PDE4D: variants seen among roughly 807,000 people sequenced by gnomAD.
The protein encoded by PDE4D is 3',5'-cyclic-AMP phosphodiesterase 4D.
In PDE4D, 24 loss-of-function variants were observed where a neutral mutation model predicts 87.4. That is an observed-to-expected ratio of 0.27 (90% CI 0.20 to 0.39). PDE4D has a LOEUF of 0.39. Among genes scored for constraint, PDE4D ranks in the 10% least tolerant of loss-of-function variants. The pLI is 1.00. For synonymous variants in PDE4D, 384 were observed against 383.2 expected, an observed-to-expected ratio of 1.00 and a Z score of -0.02; for missense variants, 714 against 1,041.0, an observed-to-expected ratio of 0.69 and a Z score of 4.32.
chr5:59,139,090 C>T (rs1217929836), intron 5 of PDE4D, among the ~76,000 whole-genome samples: 1 of 152,118 alleles, frequency 6.6e-6, no homozygotes, highest in Non-Finnish European at 1.5e-5. Context: ...GATCAGGAAA[C>T]TATACACTGC....
At chr5:59,747,777 G>T (rs72751247) in intron 1 of PDE4D, among the ~76,000 whole-genome samples, 26,390 of 152,036 alleles carry the variant, frequency 0.17, 3,027 homozygotes, top group South Asian at 0.26. Flanking sequence ...TGAACAATCA[G>T]CACTCCCATT....
In PDE4D at chr5:60,208,300, A is replaced by G. The variant is rs531671966; in HGVS notation, c.-89-22613T>C. Among the ~76,000 whole-genome samples, 30 of 152,338 alleles carry G rather than the reference A, an allele frequency of 2.0e-4. No homozygotes were observed. In the South Asian group the frequency reaches 4.1e-3, roughly 21 times the overall value. On this transcript the variant is annotated intron_variant, in intron 1 of 16. Transcript: ENST00000502484. ...TTCTTTGAAAAGACGACATTTGAGT[A>G]ACAGCTTAATGGAGGGGCAGGAGTG...
At chr5:60,190,941 G>A (rs7717864) in intron 1 of PDE4D, among the ~76,000 whole-genome samples, 35,992 of 151,940 alleles carry the variant, frequency 0.24, 5,507 homozygotes, top group African/African-American at 0.44. Flanking sequence ...ACCTCACACT[G>A]TATCTCCCAA....
intron 5 of PDE4D, among the ~76,000 whole-genome samples, chr5:59,073,502 G>A (rs901938829): frequency 6.7e-5 from 9 of 134,162 alleles, no homozygotes; most frequent in Middle Eastern, 3.8e-3. Context: ...AAATAAAGTG[G>A]GGGGCGGGGG....
intron 1 of PDE4D, among the ~76,000 whole-genome samples, chr5:59,806,711 C>G (rs1035031696): frequency 2.6e-5 from 4 of 152,118 alleles, no homozygotes; most frequent in African/African-American, 9.7e-5. Context: ...AGTTACAGGA[C>G]TACAGTTAAT....
upstream of PDE4D, among the ~76,000 whole-genome samples, chr5:60,492,218 C>T (rs1749572158): frequency 6.6e-6 from 1 of 151,594 alleles, no homozygotes; most frequent in Non-Finnish European, 1.5e-5. Context: ...CACTTGAATC[C>T]AGGAGTTTGA....
chr5:59,029,931 T>C (rs1404486094), intron 6 of PDE4D, among the ~76,000 whole-genome samples: 1 of 147,782 alleles, frequency 6.8e-6, no homozygotes, highest in South Asian at 2.1e-4. Flanking sequence ...GAACACACAA[T>C]GGAGAGAGGA....
chr5:59,309,496 A>G (rs1772138990), intron 1 of PDE4D, among the ~76,000 whole-genome samples: 1 of 152,148 alleles, frequency 6.6e-6, no homozygotes, highest in African/African-American at 2.4e-5. Flanking sequence ...CTCCAGGTAA[A>G]GTCAGAAACT....
chr5:59,902,783 A>T (rs1182191896), intron 3 of PDE4D, among the ~76,000 whole-genome samples: 1 of 152,154 alleles, frequency 6.6e-6, no homozygotes, highest in Non-Finnish European at 1.5e-5. Flanking sequence ...ATTTCAGAAG[A>T]GAGAGCTGCA....
chr5:59,488,912 A>C, intron 1 of PDE4D, among the ~76,000 whole-genome samples: 1 of 152,148 alleles, frequency 6.6e-6, no homozygotes, highest in East Asian at 1.9e-4. Context: ...GAGTCAAATA[A>C]GGAGAAAAAT....
intron 1 of PDE4D, among the ~76,000 whole-genome samples, chr5:59,695,789 T>C (rs1192817455): frequency 6.6e-6 from 1 of 151,824 alleles, no homozygotes; most frequent in African/African-American, 2.4e-5. Context: ...TTGTATTTTT[T>C]GTAGAGATGG....
At chr5:60,408,069 C>T (rs1052581079) in intron 1 of PDE4D, among the ~76,000 whole-genome samples, 1 of 152,122 alleles carries the variant, frequency 6.6e-6, no homozygotes, top group Non-Finnish European at 1.5e-5. Context: ...GGACACTAAG[C>T]CACACGGAGC....
At chr5:60,367,075 A>C (rs1469174625) in intron 1 of PDE4D, among the ~76,000 whole-genome samples, 2 of 152,202 alleles carry the variant, frequency 1.3e-5, no homozygotes, top group African/African-American at 4.8e-5. Flanking sequence ...GTGGATACAC[A>C]GTCTCTTTGG....
intron 1 of PDE4D, among the ~76,000 whole-genome samples, chr5:60,354,771 T>C (rs551112016): frequency 8.5e-5 from 13 of 152,310 alleles, no homozygotes; most frequent in South Asian, 2.1e-4. Flanking sequence ...TTAGTTTTCA[T>C]TTTTTAATGT....
intron 2 of PDE4D, among the ~76,000 whole-genome samples, chr5:60,054,005 G>C (rs897153016): frequency 2.0e-5 from 3 of 152,184 alleles, no homozygotes; most frequent in Non-Finnish European, 2.9e-5. Flanking sequence ...ATGCCAGTTA[G>C]AATGGTGATA....
intron 6 of PDE4D, among the ~76,000 whole-genome samples, chr5:59,008,996 A>G (rs1220559676): frequency 1.3e-5 from 2 of 152,124 alleles, no homozygotes; most frequent in Non-Finnish European, 1.5e-5. Flanking sequence ...GACATTAGGG[A>G]AACAAAAAGT....
At chr5:60,397,626 T>C (rs1270369639) in intron 1 of PDE4D, among the ~76,000 whole-genome samples, 1 of 152,202 alleles carries the variant, frequency 6.6e-6, no homozygotes, top group Non-Finnish European at 1.5e-5. Context: ...GAATGGTGTT[T>C]ACTGGGGGCT....
At chr5:59,092,359 T>C (rs1182299863) in intron 5 of PDE4D, among the ~76,000 whole-genome samples, 1 of 152,266 alleles carries the variant, frequency 6.6e-6, no homozygotes, top group East Asian at 1.9e-4. Context: ...AAATAGATCG[T>C]CTGTGGGTGT....
At chr5:59,880,110 T>G (rs1237022536) in intron 1 of PDE4D, among the ~76,000 whole-genome samples, 3 of 152,106 alleles carry the variant, frequency 2.0e-5, no homozygotes, top group African/African-American at 7.2e-5. Flanking sequence ...TTTCTGATTT[T>G]TTTTTTCTTT....
Sources: allele counts gnomAD v4.1 joint callset (sites outside exome capture counted in the v4.1 genomes callset), GRCh38; gene constraint gnomAD v4.1.1; transcripts MANE v1.5; gene names NCBI Gene and HGNC (gene_info 2026-07-23, HGNC 2026-07-21).